MAGI1: variants seen among roughly 807,000 people sequenced by gnomAD.
The protein encoded by MAGI1 is membrane-associated guanylate kinase, WW and PDZ domain-containing protein 1.
MAGI1 carries 58 observed loss-of-function variants against 139.9 expected under a neutral mutation model. That is an observed-to-expected ratio of 0.41 (90% CI 0.34 to 0.52). The LOEUF is 0.52. Among genes scored for constraint, MAGI1 ranks in the 20% least tolerant of loss-of-function variants. MAGI1 has a pLI of 0.12. For synonymous variants in MAGI1, 812 were observed against 737.9 expected (o/e 1.10, Z -1.63); for missense variants, 1,874 against 1,901.6 (o/e 0.99, Z 0.27).
intron 1 of MAGI1, among the ~76,000 whole-genome samples, chr3:65,720,744 G>C (rs141974532): frequency 0.016 from 2,489 of 151,974 alleles, 24 homozygotes; most frequent in Non-Finnish European, 0.026. Context: ...TTTTTTGTTT[G>C]TTTTATTTTT....
intron 14 of MAGI1, among the ~76,000 whole-genome samples, chr3:65,388,123 A>C (rs2106954858): frequency 6.6e-6 from 1 of 152,294 alleles, no homozygotes; most frequent in African/African-American, 2.4e-5. Context: ...CTTTGTTTTT[A>C]ATTAAACATT....
At chr3:65,914,376 G>A (rs941801531) in intron 1 of MAGI1, among the ~76,000 whole-genome samples, 2 of 152,178 alleles carry the variant, frequency 1.3e-5, no homozygotes, top group African/African-American at 4.8e-5. Flanking sequence ...CATTCAAACT[G>A]GGGTACTTCC....
chr3:65,492,744 A>T (rs984599220), intron 3 of MAGI1, among the ~76,000 whole-genome samples: 2 of 152,158 alleles, frequency 1.3e-5, no homozygotes, highest in Non-Finnish European at 2.9e-5. Flanking sequence ...TATAATATTG[A>T]ATCCTAAATC....
chr3:66,026,616 A>G (rs2068276008), intron 1 of MAGI1, among the ~76,000 whole-genome samples: 1 of 151,606 alleles, frequency 6.6e-6, no homozygotes, highest in Non-Finnish European at 1.5e-5. Context: ...GGGCAAAACT[A>G]TAGTTACAAG....
chr3:65,986,459 A>G (rs2065883794), intron 1 of MAGI1, among the ~76,000 whole-genome samples: 1 of 152,238 alleles, frequency 6.6e-6, no homozygotes, highest in Non-Finnish European at 1.5e-5. Flanking sequence ...TATGTAATTA[A>G]GATAAAGGGC....
At chr3:65,984,986 C>A (rs1204657916) in intron 1 of MAGI1, among the ~76,000 whole-genome samples, 1 of 152,106 alleles carries the variant, frequency 6.6e-6, no homozygotes, top group African/African-American at 2.4e-5. Flanking sequence ...GGGGCAGAGG[C>A]CCCAGGCCTT....
intron 2 of MAGI1, among the ~76,000 whole-genome samples, chr3:65,524,293 A>T (rs2078289814): frequency 6.6e-6 from 1 of 152,202 alleles, no homozygotes; most frequent in Non-Finnish European, 1.5e-5. Flanking sequence ...ATAGGTTTCA[A>T]GAGAAGAAAA....
At chr3:65,458,475 G>T (rs2107523786) in intron 5 of MAGI1, among the ~76,000 whole-genome samples, 1 of 151,230 alleles carries the variant, frequency 6.6e-6, no homozygotes. Flanking sequence ...GCCAGCATTT[G>T]TTATTGCCTG....
chr3:65,886,905 C>G (rs2060555480), intron 1 of MAGI1, among the ~76,000 whole-genome samples: 1 of 152,184 alleles, frequency 6.6e-6, no homozygotes, highest in South Asian at 2.1e-4. Flanking sequence ...ATTTCTCCTA[C>G]CTGATCCTAC....
chr3:65,410,649 C>T (rs1344416705), intron 12 of MAGI1, among the ~76,000 whole-genome samples: 2 of 152,184 alleles, frequency 1.3e-5, no homozygotes, highest in Non-Finnish European at 2.9e-5. Flanking sequence ...ATAACTGCGA[C>T]ATGCATTTGG....
chr3:66,010,333 G>A (rs929520178), intron 1 of MAGI1, among the ~76,000 whole-genome samples: 1 of 152,018 alleles, frequency 6.6e-6, no homozygotes, highest in Admixed American at 6.6e-5. Context: ...CACTCCTCAG[G>A]GCTCCCAATA....
chr3:65,525,204 C>T (rs1311230693), intron 2 of MAGI1, among the ~76,000 whole-genome samples: 1 of 152,180 alleles, frequency 6.6e-6, no homozygotes, highest in East Asian at 1.9e-4. Flanking sequence ...TCCCACTGCA[C>T]CGATGTCAAA....
chr3:65,665,719 T>G (rs555630958), intron 1 of MAGI1, among the ~76,000 whole-genome samples: 51 of 152,148 alleles, frequency 3.4e-4, no homozygotes, highest in Non-Finnish European at 4.1e-4. Flanking sequence ...ACTGACAGTA[T>G]GTGGATCACT....
intron 2 of MAGI1, among the ~76,000 whole-genome samples, chr3:65,559,641 T>C (rs2080244972): frequency 6.6e-6 from 1 of 152,194 alleles, no homozygotes. Context: ...TCCTACAAGG[T>C]AGGGATCGTT....
At chr3:65,602,977 A>C (rs566461310) in intron 2 of MAGI1, among the ~76,000 whole-genome samples, 1 of 152,290 alleles carries the variant, frequency 6.6e-6, no homozygotes, top group Non-Finnish European at 1.5e-5. Flanking sequence ...ATACCAATTA[A>C]TTTAAAATCT....
At chr3:65,359,267 A>G (rs1940530879) in intron 22 of MAGI1, 1 of 1,526,356 alleles carries the variant, frequency 6.6e-7, no homozygotes, top group South Asian at 1.3e-5. Context: ...AAAAATCTAC[A>G]TTTGTTAACA....
chr3:65,777,152 A>C (rs1199068265), intron 1 of MAGI1, among the ~76,000 whole-genome samples: 1 of 152,198 alleles, frequency 6.6e-6, no homozygotes. Context: ...CTGGATTCTA[A>C]AATTATATTT....
chr3:65,676,815 A>G (rs2087221496), intron 1 of MAGI1, among the ~76,000 whole-genome samples: 1 of 152,234 alleles, frequency 6.6e-6, no homozygotes, highest in Admixed American at 6.5e-5. Flanking sequence ...TCAATGAATC[A>G]CACAAAATCA....
chr3:65,674,415 A>C (rs950114197), intron 1 of MAGI1, among the ~76,000 whole-genome samples: 43 of 152,170 alleles, frequency 2.8e-4, no homozygotes, highest in African/African-American at 9.9e-4. Flanking sequence ...AGACCTTCCC[A>C]AGCCCATGAG....
Sources: allele counts gnomAD v4.1 joint callset (sites outside exome capture counted in the v4.1 genomes callset), GRCh38; gene constraint gnomAD v4.1.1; transcripts MANE v1.5; gene names NCBI Gene and HGNC (gene_info 2026-07-23, HGNC 2026-07-21).